The following ZNF789 variants were observed in gnomAD, a reference collection of about 807,000 sequenced individuals.
The protein encoded by ZNF789 is zinc finger protein 789.
Under a neutral mutation model 15.6 loss-of-function variants are expected in ZNF789, and 11 were observed. The observed-to-expected ratio is 0.70, with a 90% CI of 0.44 to 1.16. The LOEUF (loss-of-function observed/expected upper bound fraction) is 1.16. Ranked by LOEUF, ZNF789 falls within the 50% of genes most tolerant of loss-of-function variation. The pLI, the probability that ZNF789 is intolerant of heterozygous loss-of-function variation, is 0.00. For missense variants in ZNF789, 461 were observed against 512.6 expected (o/e 0.90, Z 0.97); for synonymous variants, 159 against 176.0 (o/e 0.90, Z 0.76).
At chr7:99,483,206 G>A (rs956022369) in intron 3 of ZNF789, among the ~76,000 whole-genome samples, 1 of 151,924 alleles carries the variant, frequency 6.6e-6, no homozygotes, top group Admixed American at 6.6e-5. Flanking sequence ...ACTCCAGCCT[G>A]GATGACAGGA....
chr7:99,484,739 G>T (rs1375687965), intron 4 of ZNF789, among the ~76,000 whole-genome samples: 1 of 152,080 alleles, frequency 6.6e-6, no homozygotes, highest in Non-Finnish European at 1.5e-5. Flanking sequence ...GATCACCCTG[G>T]GTGATATGGT....
At chr7:99,478,020 G>A (rs1367806190) in intron 2 of ZNF789, among the ~76,000 whole-genome samples, 1 of 152,152 alleles carries the variant, frequency 6.6e-6, no homozygotes, top group African/African-American at 2.4e-5. Flanking sequence ...GTGCCCATCT[G>A]TCAATGTACA....
In ZNF789 at chr7:99,486,069, G is replaced by A. The variant is rs932722415; in HGVS notation, c.266-407G>A. On this transcript the variant is annotated intron_variant, in intron 4 of 4. Transcript: ENST00000331410. ...GCGGTGGCTCACGCCTGTAATCCCA[G>A]CACTTTGGGAGGCCGAGGTGGGTGG... 3.3e-5 allele frequency among the ~76,000 whole-genome samples: 5 copies of A among 152,228 alleles called. No homozygotes were observed. The East Asian group carries it at 9.7e-4, about 30-fold the overall frequency.
chr7:99,486,492 C>A lies in ZNF789; in HGVS notation c.282C>A (p.His94Gln). Residue 94 changes from histidine to glutamine, a missense_variant, in exon 5 of 5, where the codon CAC (histidine) becomes CAA (glutamine). Transcript: ENST00000331410. ...TTTGGCTAGGTTCTGAAGCCAGACA[C>A]AAGATGAAAAAGCTAACTCCAAAAC... Reference protein sequence around the residue: ...GSACPGSEARHKMKKLTPKQK... With the variant: ...GSACPGSEARQKMKKLTPKQK... 1.2e-6 allele frequency: 2 copies of A among 1,611,048 alleles called. No individual in the cohort carries two copies. Among genetic ancestry groups the A allele is most frequent in the African/African-American group, 1.3e-5 (1 of 74,730 alleles).
Position 99,484,568 on chromosome 7 carries a change from C to T in ZNF789, c.265+425C>T, listed in dbSNP as rs538476508. On this transcript the variant is annotated intron_variant, in intron 4 of 4. Coordinates refer to ENST00000331410, the MANE Select transcript of ZNF789 (RefSeq NM_213603.3). Reference sequence around the variant, plus strand: ...CTGGGAGGCAGAGGCTGCAGTGAGCCGAGATCGCGTCACTGCACTCCAGCC... The same window carrying T: ...CTGGGAGGCAGAGGCTGCAGTGAGCTGAGATCGCGTCACTGCACTCCAGCC... 3.0e-3 allele frequency among the ~76,000 whole-genome samples: 450 copies of T among 151,198 alleles called. 3 individuals carry two copies. The highest frequency in any genetic ancestry group is 7.1e-3 in the Middle Eastern group (2 of 282).
chr7:99,473,197 G>A (rs975165967), intron 1 of ZNF789, 141 bp downstream of exon 1: 3 of 152,180 alleles, frequency 2.0e-5, no homozygotes, highest in African/African-American at 7.2e-5. Flanking sequence ...GAGTATTTTT[G>A]GCGGTGTCAA....
intron 1 of ZNF789, among the ~76,000 whole-genome samples, chr7:99,473,912 G>A (rs1169409706): frequency 6.6e-6 from 1 of 152,116 alleles, no homozygotes; most frequent in Non-Finnish European, 1.5e-5. Context: ...GAGCCACCAC[G>A]CCCGGCCTGT....
chr7:99,481,351 C>T (rs1167205298), intron 3 of ZNF789: 2 of 152,212 alleles, frequency 1.3e-5, no homozygotes, highest in Non-Finnish European at 2.9e-5. Flanking sequence ...TTCCCAAAAT[C>T]AGAATTTTGA....
rs773818523 is a variant in ZNF789 at position 99,479,623 on chromosome 7, T to G, written c.25-38T>G. On this transcript the variant is annotated intron_variant, in intron 2 of 4. Transcript: ENST00000331410. ...GAATAATCATTGAGCGTAAGTTATTTTAAGAATTGCAGTTACCTTTATCAG... is the reference window on the plus strand; with the variant it reads ...GAATAATCATTGAGCGTAAGTTATTGTAAGAATTGCAGTTACCTTTATCAG... The G allele has an allele frequency of 5.4e-5, 84 of 1,555,616 alleles. No individual in the cohort carries two copies. The Admixed American group carries it at 1.6e-3, about 29-fold the overall frequency.
chr7:99,480,009 A>G, intron 3 of ZNF789: 2 of 549,666 alleles, frequency 3.6e-6, no homozygotes, highest in East Asian at 3.2e-5. Context: ...CTTGGTGTGC[A>G]TATCTGTATA....
chr7:99,479,880 G>A, intron 3 of ZNF789, 93 bp downstream of exon 3: 7 of 1,467,472 alleles, frequency 4.8e-6, no homozygotes, highest in Non-Finnish European at 6.3e-6. Flanking sequence ...ATCAGAAAAA[G>A]CGGTGAAAAC....
At chr7:99,485,025 C>T (rs555021864) in intron 4 of ZNF789, among the ~76,000 whole-genome samples, 10 of 152,174 alleles carry the variant, frequency 6.6e-5, no homozygotes, top group South Asian at 4.2e-4. Flanking sequence ...GCTGCTCTGA[C>T]GCAGATGCTC....
At chr7:99,478,362 A>C (rs1295258304) in intron 2 of ZNF789, 9 of 1,289,440 alleles carry the variant, frequency 7.0e-6, no homozygotes, top group Non-Finnish European at 8.1e-6. Context: ...TAATGGTGAG[A>C]AAGGGCCTGC....
At chr7:99,485,171 A>T (rs1012018060) in intron 4 of ZNF789, 2 of 1,534,522 alleles carry the variant, frequency 1.3e-6, no homozygotes, top group African/African-American at 1.4e-5. Context: ...ATTTCCTGAC[A>T]TATCTGCATT....
At chr7:99,483,770 G>A in intron 3 of ZNF789, 2 of 780,970 alleles carry the variant, frequency 2.6e-6, no homozygotes, top group South Asian at 1.3e-5. Flanking sequence ...CAATACCACT[G>A]TGCTGAACGT....
intron 4 of ZNF789, chr7:99,485,187 A>G (rs1220729322): frequency 1.3e-6 from 2 of 1,534,774 alleles, no homozygotes; most frequent in South Asian, 1.2e-5. Context: ...GCATTTTTCT[A>G]CTTACTGTGT....
At chr7:99,473,866 G>C (rs1799157196) in intron 1 of ZNF789, among the ~76,000 whole-genome samples, 1 of 151,942 alleles carries the variant, frequency 6.6e-6, no homozygotes, top group African/African-American at 2.4e-5. Context: ...TGATCCGCCC[G>C]CCTCGGCCTC....
chr7:99,478,345 C>G (rs956798117), intron 2 of ZNF789: 1 of 1,289,626 alleles, frequency 7.8e-7, no homozygotes, highest in East Asian at 5.5e-5. Flanking sequence ...AAGAGTGACA[C>G]TCTGGATAAT....
At chr7:99,483,040 G>A (rs899231250) in intron 3 of ZNF789, among the ~76,000 whole-genome samples, 2 of 151,754 alleles carry the variant, frequency 1.3e-5, no homozygotes. Context: ...AGACCAGTTG[G>A]CCAACATGGT....
Sources: gnomAD v4.1 joint callset for allele counts (sites outside exome capture counted in the v4.1 genomes callset) on GRCh38, gnomAD v4.1.1 for gene constraint, MANE v1.5 for transcripts, NCBI Gene and HGNC (gene_info 2026-07-23, HGNC 2026-07-21) for gene names.